Variants in DPYD observed in about 807,000 individuals in gnomAD.
DPYD encodes the protein dihydropyrimidine dehydrogenase.
A neutral mutation model predicts 116.2 loss-of-function variants in DPYD; 109 were observed. The observed-to-expected ratio is 0.94, with a 90% CI of 0.80 to 1.10. The LOEUF is 1.10. DPYD is among the 50% of genes least tolerant of loss of function. The probability of loss-of-function intolerance (pLI) is 0.00; values close to 1 mark genes in which losing one functional copy is unlikely to be tolerated. For missense variants in DPYD, 1,302 were observed against 1,254.5 expected (o/e 1.04, Z -0.57); for synonymous variants, 440 against 432.0 (o/e 1.02, Z -0.23).
At chr1:97,853,399 G>T (rs1160496622) in intron 2 of DPYD, among the ~76,000 whole-genome samples, 2 of 152,146 alleles carry the variant, frequency 1.3e-5, no homozygotes, top group African/African-American at 2.4e-5. Flanking sequence ...CAGGTGAACT[G>T]CTCTGATAAA....
chr1:97,736,284 G>A (rs193166417), intron 4 of DPYD, among the ~76,000 whole-genome samples: 1 of 151,860 alleles, frequency 6.6e-6, no homozygotes, highest in East Asian at 1.9e-4. Flanking sequence ...GTTCTATGAA[G>A]TGGAAAAATA....
At chr1:97,113,960 C>T (rs1021209466) in intron 20 of DPYD, among the ~76,000 whole-genome samples, 6 of 152,002 alleles carry the variant, frequency 3.9e-5, no homozygotes, top group African/African-American at 1.2e-4. Flanking sequence ...TGGCTCAGTT[C>T]TAAGTCTCCT....
intron 8 of DPYD, among the ~76,000 whole-genome samples, chr1:97,676,882 C>T (rs1355928907): frequency 6.6e-6 from 1 of 152,158 alleles, no homozygotes; most frequent in Non-Finnish European, 1.5e-5. Context: ...TAGAGCATAA[C>T]TGCATTCCTC....
intron 20 of DPYD, among the ~76,000 whole-genome samples, chr1:97,175,036 C>T (rs1318604802): frequency 6.6e-6 from 1 of 152,088 alleles, no homozygotes; most frequent in African/African-American, 2.4e-5. Context: ...TACCTCAAAA[C>T]CTTATGGATA....
At chr1:97,219,403 G>A (rs1660638842) in intron 19 of DPYD, among the ~76,000 whole-genome samples, 1 of 152,166 alleles carries the variant, frequency 6.6e-6, no homozygotes, top group African/African-American at 2.4e-5. Context: ...AGAGATGTGT[G>A]TTAGTCTGAT....
At chr1:97,609,187 C>T (rs576205324) in intron 8 of DPYD, among the ~76,000 whole-genome samples, 11 of 151,750 alleles carry the variant, frequency 7.2e-5, no homozygotes, top group South Asian at 2.1e-4. Flanking sequence ...TTTGTAAATA[C>T]GTTTATATTT....
At chr1:97,404,441 T>G (rs899510374) in intron 14 of DPYD, among the ~76,000 whole-genome samples, 2 of 152,090 alleles carry the variant, frequency 1.3e-5, no homozygotes, top group African/African-American at 4.8e-5. Context: ...GTTCTATTGG[T>G]TTTTCCTTGG....
chr1:97,466,696 CTA>C (rs1398195792), intron 13 of DPYD, among the ~76,000 whole-genome samples: 2 of 152,058 alleles, frequency 1.3e-5, no homozygotes, highest in East Asian at 3.9e-4. Flanking sequence ...TGTGACCACG[CTA>C]TTTTGGGGAA....
chr1:97,482,111 A>C (rs1238931692), intron 13 of DPYD, among the ~76,000 whole-genome samples: 2 of 152,192 alleles, frequency 1.3e-5, no homozygotes, highest in Non-Finnish European at 2.9e-5. Flanking sequence ...ACAACAATTG[A>C]ACAAGCGTAG....
chr1:97,622,042 T>C (rs1656660714), intron 8 of DPYD, among the ~76,000 whole-genome samples: 1 of 152,028 alleles, frequency 6.6e-6, no homozygotes, highest in African/African-American at 2.4e-5. Flanking sequence ...AATAGACAAA[T>C]TCCCATGCAG....
chr1:97,599,495 T>C (rs981809932), intron 8 of DPYD, among the ~76,000 whole-genome samples: 2 of 152,146 alleles, frequency 1.3e-5, no homozygotes, highest in Admixed American at 6.5e-5. Context: ...ACTCAGATTC[T>C]ATAATGTTTG....
chr1:97,746,484 G>T (rs1206110970), intron 3 of DPYD, among the ~76,000 whole-genome samples: 2 of 151,936 alleles, frequency 1.3e-5, no homozygotes, highest in South Asian at 4.1e-4. Context: ...TTTAAACAAA[G>T]CTTGTCCTAT....
intron 3 of DPYD, among the ~76,000 whole-genome samples, chr1:97,773,079 A>T (rs1666224940): frequency 6.6e-6 from 1 of 152,214 alleles, no homozygotes; most frequent in Non-Finnish European, 1.5e-5. Flanking sequence ...AAGAAGTGTG[A>T]GTTTTATTCT....
chr1:97,863,076 T>C (rs913284389), intron 2 of DPYD, among the ~76,000 whole-genome samples: 1 of 151,902 alleles, frequency 6.6e-6, no homozygotes, highest in Admixed American at 6.6e-5. Flanking sequence ...GTTATGACTG[T>C]TAAAGCAAGA....
intron 16 of DPYD, among the ~76,000 whole-genome samples, chr1:97,340,602 G>C (rs1444104073): frequency 6.6e-6 from 1 of 152,144 alleles, no homozygotes; most frequent in Non-Finnish European, 1.5e-5. Context: ...CTTCAGCCCA[G>C]GAAGTTGAGG....
intron 8 of DPYD, among the ~76,000 whole-genome samples, chr1:97,639,113 G>T: frequency 6.6e-6 from 1 of 152,136 alleles, no homozygotes; most frequent in Non-Finnish European, 1.5e-5. Context: ...AAGATATACA[G>T]ACACTGGGTT....
intron 13 of DPYD, among the ~76,000 whole-genome samples, chr1:97,483,854 T>G (rs1168734463): frequency 6.7e-6 from 1 of 149,782 alleles, no homozygotes; most frequent in Non-Finnish European, 1.5e-5. Context: ...GGTGATTCCT[T>G]GATTTTGGAA....
At position 97,557,377 on chromosome 1, in the gene DPYD, C is replaced by A. The variant is rs1389877727; in HGVS notation, c.1340-7633G>T. ...GTCTGGAGTGCAGTGGCATGACCTC[C>A]GCTCACTGTAACCTCCACCTACTAG... On this transcript the variant is annotated intron_variant, in intron 11 of 22. Transcript: ENST00000370192. Among the ~76,000 whole-genome samples, 8 of 148,148 alleles carry A rather than the reference C, an allele frequency of 5.4e-5. 1 individual carries two copies. Among genetic ancestry groups the A allele is most frequent in the Admixed American group, 4.0e-4 (6 of 14,866 alleles).
chr1:97,583,362 A>C (rs1473204387), intron 10 of DPYD, among the ~76,000 whole-genome samples: 1 of 152,144 alleles, frequency 6.6e-6, no homozygotes, highest in Non-Finnish European at 1.5e-5. Flanking sequence ...ACATGTGCAC[A>C]ATGTGCAGGT....
Sources: allele counts gnomAD v4.1 joint callset (sites outside exome capture counted in the v4.1 genomes callset), GRCh38; gene constraint gnomAD v4.1.1; transcripts MANE v1.5; gene names NCBI Gene and HGNC (gene_info 2026-07-23, HGNC 2026-07-21).